The following ADAMTSL1 variants were observed in gnomAD, a reference collection of about 807,000 sequenced individuals.
The protein encoded by ADAMTSL1 is ADAMTS like 1, also known as ADAMTS-like protein 1.
In ADAMTSL1, 126 loss-of-function variants were observed where a neutral mutation model predicts 201.8. That is an observed-to-expected ratio of 0.62 (90% CI 0.54 to 0.72). The LOEUF is 0.72. Ranked by LOEUF, ADAMTSL1 falls within the 30% of genes least tolerant of loss-of-function variation. The pLI, the probability that ADAMTSL1 is intolerant of heterozygous loss-of-function variation, is 0.00. For synonymous variants in ADAMTSL1, 1,121 were observed against 903.4 expected (o/e 1.24, Z -4.32); for missense variants, 2,679 against 2,277.8 (o/e 1.18, Z -3.59).
At chr9:18,147,028 A>T (rs1826674183) in intron 1 of ADAMTSL1, among the ~76,000 whole-genome samples, 2 of 152,158 alleles carry the variant, frequency 1.3e-5, no homozygotes, top group Non-Finnish European at 2.9e-5. Context: ...AGGTTTTAGC[A>T]TAGTTGTTTA....
chr9:18,821,896 T>A (rs1824232694), intron 21 of ADAMTSL1, among the ~76,000 whole-genome samples: 1 of 152,096 alleles, frequency 6.6e-6, no homozygotes, highest in East Asian at 1.9e-4. Flanking sequence ...TGGGACTTTT[T>A]AAAAAAGAAT....
chr9:18,316,347 A>G (rs931932277), intron 2 of ADAMTSL1, among the ~76,000 whole-genome samples: 2 of 152,096 alleles, frequency 1.3e-5, no homozygotes, highest in Non-Finnish European at 2.9e-5. Flanking sequence ...TCCTCTTCCT[A>G]ATAAGCCTGG....
intron 6 of ADAMTSL1, among the ~76,000 whole-genome samples, chr9:18,638,720 C>G (rs1430905217): frequency 5.3e-5 from 8 of 152,068 alleles, no homozygotes; most frequent in Non-Finnish European, 1.2e-4. Flanking sequence ...AGTTCTTGTT[C>G]TTACATCACT....
intron 3 of ADAMTSL1, among the ~76,000 whole-genome samples, chr9:18,536,065 A>C (rs1361535): frequency 0.036 from 5,554 of 152,200 alleles, 146 homozygotes; most frequent in East Asian, 0.11. Flanking sequence ...AGAATCTAGA[A>C]TCTTCAAATA....
intron 5 of ADAMTSL1, chr9:18,622,575 G>A: frequency 1.5e-6 from 1 of 672,262 alleles, no homozygotes; most frequent in East Asian, 2.7e-5. Context: ...GAGGAAGCCT[G>A]TCCTTCTGAG....
chr9:18,783,231 G>C (rs558781222), intron 19 of ADAMTSL1, among the ~76,000 whole-genome samples: 12 of 152,280 alleles, frequency 7.9e-5, no homozygotes, highest in Admixed American at 3.3e-4. Context: ...TGCTGGTGTA[G>C]GATGAAATAA....
chr9:18,428,575 A>T lies in ADAMTSL1; in HGVS notation c.208-76254A>T, dbSNP rs190086047. Among the ~76,000 whole-genome samples the T allele has an allele frequency of 3.8e-3, 586 of 152,280 alleles. 2 individuals are homozygous for T. The highest frequency in any genetic ancestry group is 0.014 in the African/African-American group (567 of 41,568). ...TTCAAGGCTACAGTGAGCTGTGATG[A>T]CACCAGTGCATTCCAGCCAAGACCC... On this transcript the variant is annotated intron_variant, in intron 2 of 29. Transcript: ENST00000680146.
In ADAMTSL1 at chr9:18,622,430, T is replaced by C. The variant is rs1826096625; in HGVS notation, c.601+61T>C. 4 of 1,609,316 alleles carry C rather than the reference T, an allele frequency of 2.5e-6. No individual in the cohort carries two copies. The East Asian group carries it at 9.0e-5, about 36-fold the overall frequency. Reference sequence around the variant, plus strand: ...TTGACTTATCCTCTCCTGGCTTAGGTCTGGCCCCACTAAACAGCCAGGGAA... The same window carrying C: ...TTGACTTATCCTCTCCTGGCTTAGGCCTGGCCCCACTAAACAGCCAGGGAA... On this transcript the variant is annotated intron_variant, in intron 5 of 28. Transcript: ENST00000380548.
chr9:18,485,630 C>T (rs1821951745), intron 1 of ADAMTSL1, among the ~76,000 whole-genome samples: 2 of 152,166 alleles, frequency 1.3e-5, no homozygotes, highest in Non-Finnish European at 2.9e-5. Context: ...AATGGAAGTT[C>T]ATCAGGCAGA....
chr9:18,088,155 A>AGTCT (rs1563992557), intron 1 of ADAMTSL1, among the ~76,000 whole-genome samples: 2 of 152,204 alleles, frequency 1.3e-5, no homozygotes, highest in African/African-American at 4.8e-5. Context: ...GGGAAAGGAT[A>AGTCT]GTCTCTTCAA....
intron 1 of ADAMTSL1, among the ~76,000 whole-genome samples, chr9:17,914,203 G>A (rs1825997340): frequency 6.6e-6 from 1 of 152,104 alleles, no homozygotes; most frequent in Non-Finnish European, 1.5e-5. Flanking sequence ...CCAAAGCCTG[G>A]CGGAGACACA....
chr9:18,692,274 T>C (rs1320840180), intron 13 of ADAMTSL1, among the ~76,000 whole-genome samples: 1 of 152,310 alleles, frequency 6.6e-6, no homozygotes, highest in East Asian at 1.9e-4. Flanking sequence ...AAGCAACCTC[T>C]CTCTACTCTG....
At chr9:18,218,704 G>T (rs1192535997) in intron 2 of ADAMTSL1, among the ~76,000 whole-genome samples, 1 of 151,438 alleles carries the variant, frequency 6.6e-6, no homozygotes, top group Non-Finnish European at 1.5e-5. Flanking sequence ...TATCTTTCAG[G>T]GTGTGGCTTA....
At chr9:18,240,022 C>T (rs139236831) in intron 2 of ADAMTSL1, among the ~76,000 whole-genome samples, 3 of 152,152 alleles carry the variant, frequency 2.0e-5, no homozygotes, top group South Asian at 2.1e-4. Flanking sequence ...TTCCAAACTA[C>T]TATTGTTGAT....
At chr9:18,262,797 G>C (rs1831973718) in intron 2 of ADAMTSL1, among the ~76,000 whole-genome samples, 1 of 152,222 alleles carries the variant, frequency 6.6e-6, no homozygotes. Context: ...GCAAGTAGGA[G>C]AGCAAGAGAC....
intron 3 of ADAMTSL1, among the ~76,000 whole-genome samples, chr9:18,536,440 T>A (rs896261476): frequency 7.5e-6 from 1 of 133,882 alleles, no homozygotes; most frequent in Admixed American, 7.9e-5. Flanking sequence ...CTCCCCAGTT[T>A]CCCTTTTTTT....
chr9:18,623,087 G>C (rs920525913), intron 5 of ADAMTSL1, among the ~76,000 whole-genome samples: 2 of 152,016 alleles, frequency 1.3e-5, no homozygotes, highest in Admixed American at 6.6e-5. Flanking sequence ...GTAGAGACAG[G>C]GTTTCACCAT....
chr9:17,936,450 A>G, intron 1 of ADAMTSL1, among the ~76,000 whole-genome samples: 1 of 152,176 alleles, frequency 6.6e-6, no homozygotes, highest in East Asian at 1.9e-4. Context: ...ACTCTGAGAG[A>G]AGAAACACAG....
At chr9:18,248,463 T>C (rs1831344521) in intron 2 of ADAMTSL1, among the ~76,000 whole-genome samples, 1 of 152,022 alleles carries the variant, frequency 6.6e-6, no homozygotes, top group Admixed American at 6.5e-5. Context: ...AACACTGTTC[T>C]ATGTTATTTG....
Sources: allele counts gnomAD v4.1 joint callset (sites outside exome capture counted in the v4.1 genomes callset), GRCh38; gene constraint gnomAD v4.1.1; transcripts MANE v1.5; gene names NCBI Gene and HGNC (gene_info 2026-07-23, HGNC 2026-07-21).